The following SETBP1 variants were observed in gnomAD, a reference collection of about 807,000 sequenced individuals.
SETBP1 encodes the protein SET binding protein 1, also known as SET-binding protein.
Under a neutral mutation model 101.0 loss-of-function variants are expected in SETBP1, and 9 were observed. The observed-to-expected ratio is 0.09, with a 90% CI of 0.05 to 0.16. The LOEUF (loss-of-function observed/expected upper bound fraction) is 0.16. SETBP1 is among the 10% of genes least tolerant of loss of function. The pLI is 1.00. For synonymous variants in SETBP1, 818 were observed against 788.5 expected (o/e 1.04, Z -0.63); for missense variants, 1,858 against 2,033.8 (o/e 0.91, Z 1.66).
intron 2 of SETBP1, among the ~76,000 whole-genome samples, chr18:44,712,143 T>G (rs1195746488): frequency 6.6e-6 from 1 of 152,120 alleles, no homozygotes; most frequent in African/African-American, 2.4e-5. Flanking sequence ...GCAGGTTGCT[T>G]TGGTGTGTTT....
chr18:44,938,657 G>T (rs530553106), intron 3 of SETBP1, among the ~76,000 whole-genome samples: 1 of 152,148 alleles, frequency 6.6e-6, no homozygotes, highest in Non-Finnish European at 1.5e-5. Flanking sequence ...TCCTTACCTC[G>T]GAGGAAGGTG....
At position 44,810,239 on chromosome 18, in the gene SETBP1, TC is replaced by T. The variant is rs1450999696; in HGVS notation, c.487-58990del. Among the ~76,000 whole-genome samples, 3 of 152,216 alleles carry T rather than the reference TC, an allele frequency of 2.0e-5. No homozygotes were observed. In the East Asian group the frequency reaches 5.8e-4, roughly 29 times the overall value. ...GGAAAAGAAAATCAAGATTTGAGAA[TC>T]GATAGTACTGGATCTGGGCCTCAAT... On this transcript the variant is annotated intron_variant, in intron 2 of 5. Transcript: ENST00000649279.
Position 45,028,776 on chromosome 18 carries a change from T to C in SETBP1, c.4001-9709T>C, listed in dbSNP as rs1311308625. On this transcript the variant is annotated intron_variant, in intron 4 of 5. Transcript: ENST00000649279. ...CTAATGGCCAGTGATGGTGAGCATT[T>C]TTTCATGTGTTTTTTGGCTGCATAA... Among the ~76,000 whole-genome samples the C allele has an allele frequency of 3.3e-5, 5 of 152,234 alleles. No homozygotes were observed. The South Asian group carries it at 6.2e-4, about 19-fold the overall frequency.
chr18:45,051,401 A>G (rs970268188), intron 5 of SETBP1, among the ~76,000 whole-genome samples: 3 of 152,144 alleles, frequency 2.0e-5, no homozygotes, highest in Non-Finnish European at 4.4e-5. Context: ...TATATTTGCC[A>G]AGAGAGCATA....
chr18:44,900,781 G>T (rs914321349), intron 3 of SETBP1, among the ~76,000 whole-genome samples: 2 of 152,116 alleles, frequency 1.3e-5, no homozygotes, highest in African/African-American at 4.8e-5. Flanking sequence ...TTGGAGAACC[G>T]CTGGGTAAGG....
Position 45,064,984 on chromosome 18 carries a change from T to A in SETBP1, c.*1286T>A, listed in dbSNP as rs960257757. The A allele has an allele frequency of 4.6e-5, 7 of 152,174 alleles. No individual in the cohort carries two copies. Among genetic ancestry groups the A allele is most frequent in the African/African-American group, 1.7e-4 (7 of 41,446 alleles). 9.4% of individuals were successfully genotyped at this position (152,174 alleles called of 1,614,324 possible). A position where few individuals can be genotyped will look rare whatever the true frequency, so the allele number is the denominator to read the frequency against. ...GCCACCTTGGACAAAGTATCCAAAT[T>A]GTGGTTGCCTTAATAAACTAAAACA... is the stretch of plus-strand genomic sequence containing the variant. On this transcript the variant is annotated 3_prime_UTR_variant, in exon 6 of 6. Coordinates refer to ENST00000649279, the MANE Select transcript of SETBP1 (RefSeq NM_015559.3).
chr18:45,039,566 T>G (rs954109300), intron 5 of SETBP1, among the ~76,000 whole-genome samples: 2 of 152,162 alleles, frequency 1.3e-5, no homozygotes, highest in African/African-American at 4.8e-5. Flanking sequence ...TGCACATACC[T>G]CAGAGGCAGA....
At chr18:44,897,461 G>A (rs936437640) in intron 3 of SETBP1, among the ~76,000 whole-genome samples, 4 of 152,118 alleles carry the variant, frequency 2.6e-5, no homozygotes, top group African/African-American at 9.7e-5. Flanking sequence ...CCGGGCTGAT[G>A]AGAAGGTGTG....
rs139599860 is a variant in SETBP1, at chr18:45,038,244, C to T, written c.4001-241C>T. Among the ~76,000 whole-genome samples, 816 of 152,296 alleles carry T rather than the reference C, an allele frequency of 5.4e-3. 13 individuals carry two copies. Among genetic ancestry groups the T allele is most frequent in the African/African-American group, 0.019 (790 of 41,552 alleles). On this transcript the variant is annotated intron_variant, in intron 4 of 5. Coordinates refer to ENST00000649279, the MANE Select transcript of SETBP1 (RefSeq NM_015559.3). ...ATTATTCTGCTTCATTAGGCCTATG[C>T]TGTGACCCCACCACTTCCAGGCAGC...
intron 4 of SETBP1, among the ~76,000 whole-genome samples, chr18:44,995,050 A>C (rs2072460311): frequency 2.0e-5 from 3 of 151,540 alleles, no homozygotes; most frequent in Admixed American, 2.0e-4. Flanking sequence ...GCATGTTGGG[A>C]GTAACACACA....
intron 3 of SETBP1, among the ~76,000 whole-genome samples, chr18:44,893,694 ATAAG>A (rs1293314933): frequency 6.6e-6 from 1 of 152,172 alleles, no homozygotes; most frequent in African/African-American, 2.4e-5. Context: ...GGGGGTCAAT[ATAAG>A]CAAGAGAAAG....
At chr18:44,817,745 A>G (rs2072013934) in intron 2 of SETBP1, among the ~76,000 whole-genome samples, 1 of 152,002 alleles carries the variant, frequency 6.6e-6, no homozygotes, top group Non-Finnish European at 1.5e-5. Flanking sequence ...TGGAGGGAAA[A>G]TGCGGGGACT....
chr18:44,913,551 T>C (rs1022663385), intron 3 of SETBP1, among the ~76,000 whole-genome samples: 1 of 152,140 alleles, frequency 6.6e-6, no homozygotes, highest in African/African-American at 2.4e-5. Flanking sequence ...AACTTGAACA[T>C]GTAGGGCACG....
intron 2 of SETBP1, among the ~76,000 whole-genome samples, chr18:44,806,007 G>A (rs1439595476): frequency 6.6e-6 from 1 of 152,108 alleles, no homozygotes; most frequent in African/African-American, 2.4e-5. Context: ...GTGTGCTGGA[G>A]GGTCTAGAAG....
intron 3 of SETBP1, among the ~76,000 whole-genome samples, chr18:44,906,369 T>A (rs2070175893): frequency 6.6e-6 from 1 of 152,178 alleles, no homozygotes; most frequent in South Asian, 2.1e-4. Flanking sequence ...TTGTCCTTAG[T>A]GTTTGTGTGT....
intron 5 of SETBP1, 62 bp downstream of exon 5, chr18:45,038,717 T>G (rs1341780934): frequency 6.4e-7 from 1 of 1,564,952 alleles, no homozygotes; most frequent in Admixed American, 1.7e-5. Flanking sequence ...GAAAGCCCAC[T>G]GAGAATGGCC....
chr18:44,838,409 T>TA lies in SETBP1; in HGVS notation c.487-30820dup, dbSNP rs2072541727. The stretch of plus-strand genomic sequence containing the variant: ...TCTACCCTTTTTTGATCTGATACTT[T>TA]AGCTTAGCCCTTACTGTAATTCATG... On this transcript the variant is annotated intron_variant, in intron 2 of 5. Transcript: ENST00000649279. Among the ~76,000 whole-genome samples the TA allele has an allele frequency of 2.0e-5, 3 of 152,312 alleles. No homozygotes were observed. In the South Asian group the frequency reaches 6.2e-4, roughly 32 times the overall value.
intron 3 of SETBP1, among the ~76,000 whole-genome samples, chr18:44,878,120 A>C (rs2069450854): frequency 6.6e-6 from 1 of 152,182 alleles, no homozygotes; most frequent in Admixed American, 6.5e-5. Flanking sequence ...TAGTATATTC[A>C]AATATGATGT....
upstream of SETBP1, among the ~76,000 whole-genome samples, chr18:44,680,680 A>G (rs1305780523): frequency 6.6e-6 from 1 of 151,494 alleles, no homozygotes. Context: ...GGTGGCGGCG[A>G]TGGTGGAAGC....
Sources: allele counts gnomAD v4.1 joint callset (sites outside exome capture counted in the v4.1 genomes callset), GRCh38; gene constraint gnomAD v4.1.1; transcripts MANE v1.5; gene names NCBI Gene and HGNC (gene_info 2026-07-23, HGNC 2026-07-21).